Variants in PPFIBP1 observed in about 807,000 individuals in gnomAD.
The protein encoded by PPFIBP1 is liprin-beta-1.
PPFIBP1 carries 112 observed loss-of-function variants against 137.8 expected under a neutral mutation model. That is an observed-to-expected ratio of 0.81 (90% CI 0.70 to 0.95). The LOEUF is 0.95. Among genes scored for constraint, PPFIBP1 ranks in the 40% least tolerant of loss-of-function variants. The probability of loss-of-function intolerance (pLI) is 0.00; values close to 1 mark genes in which losing one functional copy is unlikely to be tolerated. For missense variants in PPFIBP1, 1,083 were observed against 1,196.6 expected (o/e 0.91, Z 1.40); for synonymous variants, 378 against 417.3 (o/e 0.91, Z 1.15).
At chr12:27,589,574 G>T (rs2052219353) in intron 2 of PPFIBP1, among the ~76,000 whole-genome samples, 1 of 152,212 alleles carries the variant, frequency 6.6e-6, no homozygotes. Flanking sequence ...TTACTGTAAA[G>T]ACTTGCAAAG....
intron 7 of PPFIBP1, among the ~76,000 whole-genome samples, chr12:27,650,862 C>T (rs1357283909): frequency 2.0e-5 from 3 of 152,202 alleles, no homozygotes; most frequent in Admixed American, 6.5e-5. Flanking sequence ...CCATTTGAAA[C>T]ATACATTTGA....
intron 4 of PPFIBP1, among the ~76,000 whole-genome samples, chr12:27,641,537 A>G (rs547018916): frequency 5.3e-5 from 8 of 152,330 alleles, no homozygotes; most frequent in African/African-American, 1.7e-4. Context: ...CTTTAAATCT[A>G]TTTGAAATTT....
In PPFIBP1 at chr12:27,695,071, T is replaced by C. The variant is rs2061706358; in HGVS notation, c.*2189T>C. 1 of 152,220 alleles carries C rather than the reference T, an allele frequency of 6.6e-6. No homozygotes were observed. The highest frequency in any genetic ancestry group is 2.4e-5 in the African/African-American group (1 of 41,452). 9.4% of individuals were successfully genotyped at this position (152,220 alleles called of 1,614,324 possible). On this transcript the variant is annotated 3_prime_UTR_variant, in exon 30 of 30. Coordinates refer to ENST00000228425, the MANE Select transcript of PPFIBP1 (RefSeq NM_003622.4). The stretch of plus-strand genomic sequence containing the variant: ...AGATGTCACCACTTCAAAAAATCAA[T>C]TTGTTCTTAGAACCTGGTTGAAAAT...
At chr12:27,633,835 C>CTTTTTTTT (rs56705005) in intron 3 of PPFIBP1, among the ~76,000 whole-genome samples, 20 of 112,996 alleles carry the variant, frequency 1.8e-4, no homozygotes, top group Non-Finnish European at 2.7e-4. Flanking sequence ...ACTCCCGTAT[C>CTTTTTTTT]TTTTTTTTTT....
At chr12:27,674,811 A>ATTTTTTTTTTTTT (rs72418237) in intron 17 of PPFIBP1, among the ~76,000 whole-genome samples, 1 of 108,706 alleles carries the variant, frequency 9.2e-6, no homozygotes, top group Non-Finnish European at 1.8e-5. Flanking sequence ...CTTTCCCCTG[A>ATTTTTTTTTTTTT]TTTTTTTTTT....
intron 24 of PPFIBP1, among the ~76,000 whole-genome samples, chr12:27,686,463 T>G (rs2140463926): frequency 6.6e-6 from 1 of 152,346 alleles, no homozygotes; most frequent in East Asian, 1.9e-4. Flanking sequence ...TGAAAATTCT[T>G]CCTTGAAGGG....
intron 7 of PPFIBP1, among the ~76,000 whole-genome samples, chr12:27,653,028 T>C (rs2058971697): frequency 6.6e-6 from 1 of 152,214 alleles, no homozygotes; most frequent in African/African-American, 2.4e-5. Context: ...TGTATAACTA[T>C]GATAGGTAAT....
At chr12:27,614,520 C>T (rs895847804) in intron 2 of PPFIBP1, among the ~76,000 whole-genome samples, 1 of 152,178 alleles carries the variant, frequency 6.6e-6, no homozygotes, top group African/African-American at 2.4e-5. Context: ...ACAAAGGAGT[C>T]CTGGAGTATG....
At chr12:27,587,777 AG>A (rs2137162334) in intron 2 of PPFIBP1, among the ~76,000 whole-genome samples, 1 of 152,150 alleles carries the variant, frequency 6.6e-6, no homozygotes, top group East Asian at 1.9e-4. Context: ...ACTACTTGAA[AG>A]TAAGTTGCAG....
rs538091994 is a variant in PPFIBP1, at chr12:27,548,991, G to C, written c.-124+24626G>C. 3.3e-5 allele frequency: 5 copies of C among 152,320 alleles called. No individual in the cohort carries two copies. In the East Asian group the frequency reaches 7.7e-4, roughly 23 times the overall value. The allele number at this position is 152,320 out of a possible 1,614,324, so 9.4% of individuals were successfully genotyped here. On this transcript the variant is annotated intron_variant, in intron 1 of 29. Coordinates refer to ENST00000228425, the MANE Select transcript of PPFIBP1 (RefSeq NM_003622.4). Reference sequence around the variant, plus strand: ...AGAGAGTCAAGCTGCCATGGTGACAGGTTCTGTATAAAAACACCCACCTCT... The same window carrying C: ...AGAGAGTCAAGCTGCCATGGTGACACGTTCTGTATAAAAACACCCACCTCT...
chr12:27,559,952 G>A (rs923286950), intron 1 of PPFIBP1, among the ~76,000 whole-genome samples: 1 of 152,186 alleles, frequency 6.6e-6, no homozygotes, highest in Non-Finnish European at 1.5e-5. Flanking sequence ...CTGTAATTGT[G>A]ATTTGAATTA....
chr12:27,643,167 C>A (rs1436432796), intron 4 of PPFIBP1, among the ~76,000 whole-genome samples: 1 of 144,068 alleles, frequency 6.9e-6, no homozygotes, highest in Non-Finnish European at 1.5e-5. Flanking sequence ...TCAACCATGG[C>A]GTGCATACCA....
chr12:27,595,230 G>A (rs1356692366), intron 2 of PPFIBP1, among the ~76,000 whole-genome samples: 6 of 152,226 alleles, frequency 3.9e-5, no homozygotes, highest in African/African-American at 7.2e-5. Context: ...GGAAGAATGC[G>A]TGCACACGCG....
At chr12:27,585,635 A>G (rs1009684151) in intron 2 of PPFIBP1, among the ~76,000 whole-genome samples, 3 of 152,216 alleles carry the variant, frequency 2.0e-5, no homozygotes, top group Non-Finnish European at 2.9e-5. Flanking sequence ...ATAAGTGCAC[A>G]TTTTTGTAAG....
chr12:27,640,128 T>C (rs554625827), intron 4 of PPFIBP1, among the ~76,000 whole-genome samples: 1 of 152,314 alleles, frequency 6.6e-6, no homozygotes, highest in Non-Finnish European at 1.5e-5. Context: ...CCACAGAAAG[T>C]GTTCACAGAC....
At chr12:27,570,058 G>T (rs2050009996) in intron 1 of PPFIBP1, among the ~76,000 whole-genome samples, 1 of 152,120 alleles carries the variant, frequency 6.6e-6, no homozygotes. Flanking sequence ...ATCGCCACCG[G>T]TGAGAGTTAG....
At chr12:27,613,325 C>T (rs576445905) in intron 2 of PPFIBP1, among the ~76,000 whole-genome samples, 2 of 152,342 alleles carry the variant, frequency 1.3e-5, no homozygotes, top group East Asian at 3.9e-4. Flanking sequence ...GGATATTACA[C>T]ATAAATTCCA....
At chr12:27,648,997 C>T (rs2058713588) in intron 6 of PPFIBP1, among the ~76,000 whole-genome samples, 1 of 152,114 alleles carries the variant, frequency 6.6e-6, no homozygotes, top group African/African-American at 2.4e-5. Flanking sequence ...AAGAATATAA[C>T]TGGATAGTTT....
At position 27,633,467 on chromosome 12, in the gene PPFIBP1, T is replaced by C. The variant is rs760955185; in HGVS notation, c.64+7T>C. The C allele has an allele frequency of 6.2e-7, 1 of 1,610,436 alleles. No homozygotes were observed. ...ATGGATGGTATCATAGCAGGTGATC[T>C]GCATCCTGTGAAAGACAGAATCACA... On this transcript the variant is annotated splice_region_variant and intron_variant, in intron 3 of 29. Transcript: ENST00000228425.
Sources: allele counts gnomAD v4.1 joint callset (sites outside exome capture counted in the v4.1 genomes callset), GRCh38; gene constraint gnomAD v4.1.1; transcripts MANE v1.5; gene names NCBI Gene and HGNC (gene_info 2026-07-23, HGNC 2026-07-21).